TOMM7: variants seen among roughly 807,000 people sequenced by gnomAD.
TOMM7 encodes translocase of outer mitochondrial membrane 7, also known as mitochondrial import receptor subunit TOM7 homolog.
TOMM7 carries 8 observed loss-of-function variants against 9.5 expected under a neutral mutation model. That is an observed-to-expected ratio of 0.84 (90% CI 0.49 to 1.51). TOMM7 has a LOEUF of 1.51. TOMM7 is among the 40% of genes most tolerant of loss of function. The probability of loss-of-function intolerance (pLI) is 0.00; values close to 1 mark genes in which losing one functional copy is unlikely to be tolerated. For synonymous variants in TOMM7, 27 were observed against 21.4 expected, an observed-to-expected ratio of 1.26 and a Z score of -0.72; for missense variants, 74 against 63.7, an observed-to-expected ratio of 1.16 and a Z score of -0.55.
At chr7:22,817,471 A>G in intron 2 of TOMM7, 2 of 224,628 alleles carry the variant, frequency 8.9e-6, no homozygotes, top group Non-Finnish European at 1.9e-5. Flanking sequence ...TTGAACTCCT[A>G]GCTTCAAGCA....
chr7:22,817,484 C>A, intron 2 of TOMM7: 1 of 236,972 alleles, frequency 4.2e-6, no homozygotes. Flanking sequence ...TTCAAGCAAT[C>A]CTCCCATGAT....
intron 1 of TOMM7, among the ~76,000 whole-genome samples, chr7:22,821,928 A>C (rs1051762156): frequency 2.6e-5 from 4 of 152,110 alleles, no homozygotes; most frequent in African/African-American, 9.7e-5. Context: ...AGAGCACAGG[A>C]GGGGAAGGTT....
rs1007647008 is a variant in TOMM7, at chr7:22,818,383, T to C, written c.104-335A>G. The C allele has an allele frequency of 2.7e-5, 5 of 186,388 alleles. No homozygotes were observed. The Admixed American group carries it at 2.9e-4, about 11-fold the overall frequency. The allele number at this position is 186,388 out of a possible 1,614,324, so 11.5% of individuals were successfully genotyped here. A position where few individuals can be genotyped will look rare whatever the true frequency, so the allele number is the denominator to read the frequency against. On this transcript the variant is annotated intron_variant, in intron 1 of 2. Transcript: ENST00000358435. ...ACCTCTGCCTCCCAGGCTCAAGCTA[T>C]TCTCCTGTCTCAGCCTCCTGAATAG... is the stretch of plus-strand genomic sequence containing the variant.
At chr7:22,822,548 G>C (rs1238047719) in intron 1 of TOMM7, 129 bp downstream of exon 1, 7 of 851,258 alleles carry the variant, frequency 8.2e-6, no homozygotes, top group Non-Finnish European at 1.3e-5. Context: ...CACTTGACCA[G>C]ACAGCCTCAG....
intron 1 of TOMM7, among the ~76,000 whole-genome samples, chr7:22,818,992 C>T (rs1583463772): frequency 8.6e-6 from 1 of 116,084 alleles, no homozygotes; most frequent in East Asian, 2.7e-4. Flanking sequence ...AAACAAAGAC[C>T]AATGATAGAA....
chr7:22,814,183 A>AT (rs1177114939), intron 2 of TOMM7, among the ~76,000 whole-genome samples: 1 of 149,348 alleles, frequency 6.7e-6, no homozygotes, highest in Non-Finnish European at 1.5e-5. Context: ...AAAAAAAAAA[A>AT]ATACAAAAAT....
chr7:22,817,823 A>G (rs1782335933), intron 2 of TOMM7, 177 bp downstream of exon 2: 1 of 583,894 alleles, frequency 1.7e-6, no homozygotes, highest in South Asian at 2.2e-5. Context: ...AACATGGTAC[A>G]GTAAATACAA....
At chr7:22,822,194 C>T (rs1480956885) in intron 1 of TOMM7, 1 of 1,550,892 alleles carries the variant, frequency 6.4e-7, no homozygotes, top group Non-Finnish European at 8.7e-7. Flanking sequence ...CCAAACCCTT[C>T]ATCGTACAGG....
At chr7:22,814,129 G>A (rs1220455610) in intron 2 of TOMM7, among the ~76,000 whole-genome samples, 1 of 148,130 alleles carries the variant, frequency 6.8e-6, no homozygotes, top group African/African-American at 2.5e-5. Flanking sequence ...GAGCCCACGA[G>A]TTCGAAACCA....
At chr7:22,822,505 G>C (rs901867697) in intron 1 of TOMM7, among the ~76,000 whole-genome samples, 172 bp downstream of exon 1, 1 of 152,228 alleles carries the variant, frequency 6.6e-6, no homozygotes, top group East Asian at 1.9e-4. Context: ...TAAAGCGATA[G>C]AACGGGAACT....
chr7:22,818,276 C>A lies in TOMM7; in HGVS notation c.104-228G>T, dbSNP rs768864342. On this transcript the variant is annotated intron_variant, in intron 1 of 2. Coordinates refer to ENST00000358435, the MANE Select transcript of TOMM7 (RefSeq NM_019059.5). The stretch of plus-strand genomic sequence containing the variant: ...AGTAGGAAGAACAAGCTATCTTATT[C>A]CTTTCTTTTTGAGACAGAGTCTCAC... 1.1e-4 allele frequency: 48 copies of A among 426,488 alleles called. 1 individual carries two copies. The highest frequency in any genetic ancestry group is 1.8e-4 in the Non-Finnish European group (41 of 230,980). 26.4% of individuals were successfully genotyped at this position (426,488 alleles called of 1,614,324 possible).
At chr7:22,820,995 C>T (rs1037535170) in intron 1 of TOMM7, among the ~76,000 whole-genome samples, 5 of 152,152 alleles carry the variant, frequency 3.3e-5, no homozygotes, top group African/African-American at 1.2e-4. Context: ...AAAACCATAG[C>T]ATTTTAAAAT....
chr7:22,817,098 T>C (rs1051109241), intron 2 of TOMM7, among the ~76,000 whole-genome samples: 3 of 152,078 alleles, frequency 2.0e-5, no homozygotes, highest in Admixed American at 6.5e-5. Flanking sequence ...TCCGATTCAC[T>C]AGTGTGCAGT....
intron 2 of TOMM7, among the ~76,000 whole-genome samples, chr7:22,813,515 A>G (rs1287093043): frequency 6.6e-6 from 1 of 152,180 alleles, no homozygotes; most frequent in Non-Finnish European, 1.5e-5. Flanking sequence ...CTATCTCATT[A>G]CTAGATGCAG....
Position 22,815,649 on chromosome 7 carries a change from G to C in TOMM7, c.152+2351C>G, listed in dbSNP as rs543158390. Among the ~76,000 whole-genome samples the C allele has an allele frequency of 3.9e-5, 6 of 152,280 alleles. No individual in the cohort carries two copies. In the East Asian group the frequency reaches 7.7e-4, roughly 20 times the overall value. ...TTAGGTGCTTATGAGACAAAATATA[G>C]TTACAAGCATAATACAAGGCAGAGA... On this transcript the variant is annotated intron_variant, in intron 2 of 2. Coordinates refer to ENST00000358435, the MANE Select transcript of TOMM7 (RefSeq NM_019059.5).
At chr7:22,820,031 G>A (rs747227630) in intron 1 of TOMM7, among the ~76,000 whole-genome samples, 2 of 152,138 alleles carry the variant, frequency 1.3e-5, no homozygotes, top group African/African-American at 2.4e-5. Context: ...AGTTGAGGTG[G>A]AGGAAGTAAA....
Position 22,822,708 on chromosome 7 carries a change from G to C in TOMM7, c.72C>G (p.Arg24=), listed in dbSNP as rs1481785542. 1.2e-6 allele frequency: 2 copies of C among 1,614,058 alleles called. No homozygotes were observed. The highest frequency in any genetic ancestry group is 2.7e-5 in the African/African-American group (2 of 74,912). Residue 24 remains arginine, a synonymous_variant, in exon 1 of 3, where the codon CGC becomes CGG. Transcript: ENST00000358435. ...AAATCACAAGAGGGATAAAGCCCCAGCGAATGGCAAACTGGCTCCCCTTGA... is the reference window on the plus strand; with the variant it reads ...AAATCACAAGAGGGATAAAGCCCCACCGAATGGCAAACTGGCTCCCCTTGA... ...QLFKGSQFAI[R]WGFIPLVIYL...
Position 22,816,781 on chromosome 7 carries a change from C to A in TOMM7, c.152+1219G>T, listed in dbSNP as rs10250212. ...CTAAGTTAAGAAAGAGGTAAAATTA[C>A]TTGGGGAAGGCCACATGATCCAGTG... On this transcript the variant is annotated intron_variant, in intron 2 of 2. Transcript: ENST00000358435. Among the ~76,000 whole-genome samples, 857 of 152,262 alleles carry A rather than the reference C, an allele frequency of 5.6e-3. 7 individuals are homozygous for A. Among genetic ancestry groups the A allele is most frequent in the African/African-American group, 0.02 (815 of 41,532 alleles).
In TOMM7 at chr7:22,813,139, T is replaced by A. The variant is rs1159125591; in HGVS notation, c.*31A>T. ...CACATCTTCCATGCTGTCCGCTGAT[T>A]GCCTCCAAATCCAGAAGACCAAATA... On this transcript the variant is annotated 3_prime_UTR_variant, in exon 3 of 3. Transcript: ENST00000358435. The A allele has an allele frequency of 6.2e-7, 1 of 1,613,218 alleles. No individual in the cohort carries two copies. Among genetic ancestry groups the A allele is most frequent in the East Asian group, 2.2e-5 (1 of 44,862 alleles).
Sources: allele counts gnomAD v4.1 joint callset (sites outside exome capture counted in the v4.1 genomes callset), GRCh38; gene constraint gnomAD v4.1.1; transcripts MANE v1.5; gene names NCBI Gene and HGNC (gene_info 2026-07-23, HGNC 2026-07-21).